The following TRIO variants were observed in gnomAD, a reference collection of about 807,000 sequenced individuals.
TRIO encodes triple functional domain protein.
A neutral mutation model predicts 351.9 loss-of-function variants in TRIO; 58 were observed. That is an observed-to-expected ratio of 0.16 (90% CI 0.13 to 0.21). TRIO has a LOEUF of 0.21. TRIO is among the 10% of genes least tolerant of loss of function. The pLI is 1.00. For synonymous variants in TRIO, 1,758 were observed against 1,595.7 expected (o/e 1.10, Z -2.42); for missense variants, 3,201 against 4,027.8 (o/e 0.79, Z 5.56).
At chr5:14,298,060 G>C (rs1369750831) in intron 7 of TRIO, among the ~76,000 whole-genome samples, 1 of 152,236 alleles carries the variant, frequency 6.6e-6, no homozygotes, top group East Asian at 1.9e-4. Flanking sequence ...GGGAGGTGCT[G>C]CCCGCAAGGG....
At chr5:14,154,086 G>A (rs1476941346) in intron 1 of TRIO, among the ~76,000 whole-genome samples, 1 of 152,140 alleles carries the variant, frequency 6.6e-6, no homozygotes, top group Non-Finnish European at 1.5e-5. Flanking sequence ...TGGCTCTGTT[G>A]AGTTTTACAG....
intron 41 of TRIO, among the ~76,000 whole-genome samples, chr5:14,477,808 G>T (rs928246929): frequency 6.6e-6 from 1 of 152,228 alleles, no homozygotes; most frequent in Non-Finnish European, 1.5e-5. Flanking sequence ...TCTTCCAGAG[G>T]TTGACACGTT....
intron 34 of TRIO, among the ~76,000 whole-genome samples, chr5:14,423,515 A>G (rs1750353118): frequency 1.3e-5 from 2 of 152,234 alleles, no homozygotes; most frequent in Admixed American, 1.3e-4. Context: ...CAGTGAGGCC[A>G]GTTCAAAACA....
At chr5:14,399,284 C>G (rs913871162) in intron 30 of TRIO, 2 of 549,060 alleles carry the variant, frequency 3.6e-6, no homozygotes, top group Non-Finnish European at 6.4e-6. Flanking sequence ...ACTTAGGAAA[C>G]TTGCTCTTCT....
At chr5:14,396,760 A>G (rs771714897) in intron 28 of TRIO, among the ~76,000 whole-genome samples, 9 of 151,792 alleles carry the variant, frequency 5.9e-5, no homozygotes, top group Non-Finnish European at 8.8e-5. Context: ...ATGAGCCACC[A>G]CACCCGGCCT....
chr5:14,401,133 CGTT>C (rs1004995936), intron 31 of TRIO, 69 bp downstream of exon 31: 6 of 1,307,644 alleles, frequency 4.6e-6, no homozygotes, highest in South Asian at 2.6e-5. Flanking sequence ...CTTGCTTTTC[CGTT>C]GTTTTCATAT....
rs2126677228 is a variant in TRIO at position 14,496,937 on chromosome 5, A to G, written c.7939A>G (p.Lys2647Glu). The G allele has an allele frequency of 1.9e-6, 3 of 1,614,220 alleles. No individual in the cohort carries two copies. Among genetic ancestry groups the G allele is most frequent in the Middle Eastern group, 3.3e-4 (2 of 6,062 alleles). ...RLRKKSEKKD[K>E]DGKREGKLEN... The stretch of plus-strand genomic sequence containing the variant: ...AAGGAAAAAATCTGAGAAAAAAGAT[A>G]AAGACGGCAAAAGGGAAGGCAAGTT... Residue 2647 changes from lysine (K) to glutamate (E), a missense_variant, in exon 50 of 57, where the codon AAA (lysine) becomes GAA (glutamate). By Grantham distance (56) the Lys-to-Glu change is moderately conservative (BLOSUM62 1). Coordinates refer to ENST00000344204, the MANE Select transcript of TRIO (RefSeq NM_007118.4).
intron 19 of TRIO, among the ~76,000 whole-genome samples, chr5:14,375,953 G>A (rs1023422345): frequency 1.9e-4 from 29 of 152,110 alleles, no homozygotes; most frequent in Non-Finnish European, 1.0e-4. Flanking sequence ...CTGGTCCCTG[G>A]GGGATAGTTG....
At chr5:14,249,401 G>T (rs116370168) in intron 1 of TRIO, among the ~76,000 whole-genome samples, 285 of 152,320 alleles carry the variant, frequency 1.9e-3, no homozygotes, top group African/African-American at 6.6e-3. Context: ...GAGTGGGGGA[G>T]GGAGGGAGGC....
intron 1 of TRIO, among the ~76,000 whole-genome samples, chr5:14,151,384 GTT>G (rs1428197123): frequency 1.8e-4 from 15 of 85,306 alleles, no homozygotes; most frequent in Middle Eastern, 6.0e-3. Flanking sequence ...GTGTGTGTGT[GTT>G]TGTGTGTGTG....
intron 1 of TRIO, among the ~76,000 whole-genome samples, chr5:14,199,195 CAAAAAAAAAAAAA>C (rs58856067): frequency 1.3e-5 from 1 of 74,234 alleles, no homozygotes; most frequent in African/African-American, 4.6e-5. Flanking sequence ...GAGTGGGACT[CAAAAAAAAAAAAA>C]AAAAAAAAAA....
rs866804604 is a variant in TRIO at position 14,502,509 on chromosome 5, G to A, written c.8333-70G>A. On this transcript the variant is annotated intron_variant, in intron 53 of 56. Coordinates refer to ENST00000344204, the MANE Select transcript of TRIO (RefSeq NM_007118.4). ...GCGCAGCTGCTGTGAGGGACAGTGC[G>A]TGGCGATAGCCTTCTTACCCAAGAA... 67 of 1,530,532 alleles carry A rather than the reference G, an allele frequency of 4.4e-5. No homozygotes were observed. In the African/African-American group the frequency reaches 5.5e-4, roughly 12 times the overall value. The allele number at this position is 1,530,532 out of a possible 1,614,324, so 94.8% of individuals were successfully genotyped here.
At chr5:14,433,104 G>A (rs1221696101) in intron 34 of TRIO, among the ~76,000 whole-genome samples, 2 of 152,186 alleles carry the variant, frequency 1.3e-5, no homozygotes, top group Non-Finnish European at 2.9e-5. Context: ...GGTGCAAACA[G>A]AGAATGTCAC....
chr5:14,376,541 AC>A (rs1294824490), intron 19 of TRIO, among the ~76,000 whole-genome samples: 1 of 152,186 alleles, frequency 6.6e-6, no homozygotes, highest in East Asian at 1.9e-4. Flanking sequence ...TGCATCTTTC[AC>A]TTAATAATAT....
chr5:14,499,392 T>A (rs2126686895), intron 53 of TRIO, among the ~76,000 whole-genome samples: 3 of 152,304 alleles, frequency 2.0e-5, no homozygotes, highest in Middle Eastern at 6.8e-3. Context: ...TGTGGACTGT[T>A]CTCTGCTGCC....
chr5:14,249,105 G>A (rs536717091), intron 1 of TRIO, among the ~76,000 whole-genome samples: 1 of 152,242 alleles, frequency 6.6e-6, no homozygotes, highest in African/African-American at 2.4e-5. Flanking sequence ...TTGGCTGGAG[G>A]CAGACTGACT....
chr5:14,346,953 C>T (rs111845070), intron 11 of TRIO, among the ~76,000 whole-genome samples: 2,915 of 151,774 alleles, frequency 0.019, 110 homozygotes, highest in African/African-American at 0.067. Context: ...AAGGAAGTCA[C>T]GTCCAGTCTG....
At chr5:14,360,408 G>A (rs1002391604) in intron 13 of TRIO, among the ~76,000 whole-genome samples, 4 of 152,218 alleles carry the variant, frequency 2.6e-5, no homozygotes, top group African/African-American at 7.2e-5. Context: ...TCAGTGGTGA[G>A]CCTGCTCTCC....
chr5:14,153,352 T>A (rs1214881616), intron 1 of TRIO, among the ~76,000 whole-genome samples: 1 of 152,222 alleles, frequency 6.6e-6, no homozygotes, highest in Admixed American at 6.5e-5. Flanking sequence ...CATAGGAAAG[T>A]AGAATAAGCA....
Sources: allele counts gnomAD v4.1 joint callset (sites outside exome capture counted in the v4.1 genomes callset), GRCh38; gene constraint gnomAD v4.1.1; transcripts MANE v1.5; gene names NCBI Gene and HGNC (gene_info 2026-07-23, HGNC 2026-07-21).